The following WWOX variants were observed in gnomAD, a reference collection of about 807,000 sequenced individuals.
WWOX encodes the protein WW domain containing oxidoreductase, also known as WW domain-containing oxidoreductase.
In WWOX, 69 loss-of-function variants were observed where a neutral mutation model predicts 46.2. The observed-to-expected ratio is 1.49, with a 90% CI of 1.23 to 1.82. WWOX has a LOEUF of 1.82. WWOX is among the 40% of genes most tolerant of loss of function. WWOX has a pLI of 0.00. For missense variants in WWOX, 919 were observed against 542.6 expected (o/e 1.69, Z -6.89); for synonymous variants, 359 against 202.6 (o/e 1.77, Z -6.56).
At chr16:78,944,365 G>C (rs1038819870) in intron 8 of WWOX, among the ~76,000 whole-genome samples, 2 of 152,122 alleles carry the variant, frequency 1.3e-5, no homozygotes, top group Non-Finnish European at 2.9e-5. Context: ...GATAGGAGCT[G>C]TCTTATCTTC....
chr16:78,333,043 C>CTTTTTTTTTTTTTTTTTTTTTTTTTTT lies in WWOX; in HGVS notation c.517-53793_517-53792insTTTTTTTTTTTTTTTTTTTTTTTTTTT, dbSNP rs11289222. ...CTGAGTAGCATGGAAGAGCATTATA[C>CTTTTTTTTTTTTTTTTTTTTTTTTTTT]TTTTTTTTTTTTTTTTTTTTTTTTG... On this transcript the variant is annotated intron_variant, in intron 5 of 8. Transcript: ENST00000566780. 6.7e-4 allele frequency among the ~76,000 whole-genome samples: 38 copies of CTTTTTTTTTTTTTTTTTTTTTTTTTTT among 57,124 alleles called. 9 individuals carry two copies. Among genetic ancestry groups the CTTTTTTTTTTTTTTTTTTTTTTTTTTT allele is most frequent in the Admixed American group, 1.1e-3 (5 of 4,366 alleles). 37.5% of individuals were successfully genotyped at this position (57,124 alleles called of 152,430 possible).
chr16:78,452,209 G>T (rs1437877177), intron 8 of WWOX, among the ~76,000 whole-genome samples: 3 of 152,100 alleles, frequency 2.0e-5, no homozygotes, highest in Non-Finnish European at 4.4e-5. Flanking sequence ...ATATTTCTTG[G>T]ATTGTCCGCA....
chr16:78,406,076 C>T (rs1052657571), intron 6 of WWOX, among the ~76,000 whole-genome samples: 1 of 151,770 alleles, frequency 6.6e-6, no homozygotes, highest in African/African-American at 2.4e-5. Context: ...GTAAATCGCT[C>T]ATGTTTGTTC....
chr16:78,244,380 T>C (rs2037752466), intron 5 of WWOX, among the ~76,000 whole-genome samples: 1 of 106,912 alleles, frequency 9.4e-6, no homozygotes, highest in South Asian at 2.9e-4. Flanking sequence ...CCTTGCAATC[T>C]GTATGACTCC....
At chr16:78,168,651 T>C (rs1468405702) in intron 5 of WWOX, 1 of 152,130 alleles carries the variant, frequency 6.6e-6, no homozygotes, top group Non-Finnish European at 1.5e-5. Flanking sequence ...GCTTTCAAAC[T>C]CTCTAGCTGC....
At chr16:78,962,034 T>A (rs2046280754) in intron 8 of WWOX, among the ~76,000 whole-genome samples, 1 of 152,048 alleles carries the variant, frequency 6.6e-6, no homozygotes, top group Admixed American at 6.5e-5. Flanking sequence ...CCTGAGCAAG[T>A]CTGGATGTGA....
chr16:78,928,064 C>G (rs999256422), intron 8 of WWOX, among the ~76,000 whole-genome samples: 7 of 152,106 alleles, frequency 4.6e-5, no homozygotes, highest in Non-Finnish European at 7.3e-5. Context: ...CTCTCAGATC[C>G]TGGATACTGT....
chr16:79,146,140 A>T (rs956247364), intron 8 of WWOX, among the ~76,000 whole-genome samples: 7 of 152,196 alleles, frequency 4.6e-5, no homozygotes, highest in Non-Finnish European at 1.0e-4. Context: ...TCAAGGAAGG[A>T]AGTGTATGAT....
intron 8 of WWOX, among the ~76,000 whole-genome samples, chr16:78,684,135 C>T (rs1036310508): frequency 6.6e-5 from 10 of 152,162 alleles, no homozygotes; most frequent in African/African-American, 2.4e-4. Flanking sequence ...TATCAGCTGT[C>T]CCTGCTGCAA....
chr16:78,238,081 AC>A (rs1243838560), intron 5 of WWOX: 1 of 152,108 alleles, frequency 6.6e-6, no homozygotes, highest in Non-Finnish European at 1.5e-5. Context: ...TCACTTCCAC[AC>A]CTTACCTCCT....
chr16:78,263,994 A>ATTTT (rs1597419237), intron 5 of WWOX, among the ~76,000 whole-genome samples: 2 of 41,490 alleles, frequency 4.8e-5, no homozygotes, highest in Admixed American at 2.1e-4. Flanking sequence ...TGGCTGTGAA[A>ATTTT]TCTTTTTTTT....
intron 8 of WWOX, among the ~76,000 whole-genome samples, chr16:78,733,517 G>A (rs1029154482): frequency 2.6e-5 from 4 of 151,748 alleles, no homozygotes; most frequent in African/African-American, 9.7e-5. Flanking sequence ...GGAGGACGAG[G>A]TGGGCGGATC....
At chr16:78,733,433 C>T (rs112768353) in intron 8 of WWOX, among the ~76,000 whole-genome samples, 10,237 of 151,952 alleles carry the variant, frequency 0.067, 975 homozygotes, top group African/African-American at 0.21. Flanking sequence ...CCAGCCTAAG[C>T]AACAGAGTGA....
intron 8 of WWOX, among the ~76,000 whole-genome samples, chr16:79,186,891 C>G (rs1327740794): frequency 1.3e-5 from 2 of 152,136 alleles, no homozygotes; most frequent in African/African-American, 2.4e-5. Context: ...TGGTTTTTCA[C>G]CACATGCTCA....
At chr16:78,477,381 T>A (rs927946775) in intron 8 of WWOX, among the ~76,000 whole-genome samples, 9 of 152,114 alleles carry the variant, frequency 5.9e-5, no homozygotes, top group Admixed American at 1.3e-4. Flanking sequence ...ACTTTTTTTT[T>A]AATTAAATCT....
At chr16:79,193,473 G>A (rs2150813143) in intron 8 of WWOX, among the ~76,000 whole-genome samples, 1 of 152,328 alleles carries the variant, frequency 6.6e-6, no homozygotes, top group Middle Eastern at 3.4e-3. Flanking sequence ...GTACTGCTGG[G>A]TCTTGCGTCA....
chr16:78,332,676 G>A (rs2080788591), intron 5 of WWOX, among the ~76,000 whole-genome samples: 2 of 152,142 alleles, frequency 1.3e-5, no homozygotes, highest in African/African-American at 4.8e-5. Flanking sequence ...ATGATAATCT[G>A]AGAGTTGCCC....
chr16:78,596,250 C>G (rs4036000), intron 8 of WWOX, among the ~76,000 whole-genome samples: 17 of 152,158 alleles, frequency 1.1e-4, no homozygotes, highest in Non-Finnish European at 2.9e-5. Context: ...GCCATCTTTT[C>G]TTTTGTTCAT....
chr16:78,716,853 A>G (rs1055582007), intron 8 of WWOX, among the ~76,000 whole-genome samples: 2 of 152,190 alleles, frequency 1.3e-5, no homozygotes, highest in Non-Finnish European at 1.5e-5. Flanking sequence ...AGCTGTGTGC[A>G]GCTTCAGCCA....
Sources: allele counts gnomAD v4.1 joint callset (sites outside exome capture counted in the v4.1 genomes callset), GRCh38; gene constraint gnomAD v4.1.1; transcripts MANE v1.5; gene names NCBI Gene and HGNC (gene_info 2026-07-23, HGNC 2026-07-21).